Variants in CNIH3 observed in about 807,000 individuals in gnomAD.
CNIH3 encodes the protein cornichon family AMPA receptor auxiliary protein 3, also known as protein cornichon homolog 3.
CNIH3 carries 14 observed loss-of-function variants against 24.1 expected under a neutral mutation model. The observed-to-expected ratio is 0.58, with a 90% CI of 0.38 to 0.91. The LOEUF is 0.91. Ranked by LOEUF, CNIH3 falls within the 40% of genes least tolerant of loss-of-function variation. The pLI is 0.00. For synonymous variants in CNIH3, 68 were observed against 73.8 expected (o/e 0.92, Z 0.40); for missense variants, 178 against 196.8 (o/e 0.90, Z 0.57).
chr1:224,641,165 C>A (rs16850786), intron 1 of CNIH3, among the ~76,000 whole-genome samples: 5 of 152,096 alleles, frequency 3.3e-5, no homozygotes, highest in Admixed American at 1.3e-4. Flanking sequence ...GCTAAGCCTC[C>A]TCGGCATACA....
chr1:224,658,867 C>T (rs913296065), intron 1 of CNIH3, among the ~76,000 whole-genome samples: 3 of 152,100 alleles, frequency 2.0e-5, no homozygotes, highest in Non-Finnish European at 4.4e-5. Flanking sequence ...TCAGTAAAAC[C>T]TTATAAACAA....
chr1:224,437,363 AG>A (rs1322842824), intron 1 of CNIH3, among the ~76,000 whole-genome samples: 1 of 152,214 alleles, frequency 6.6e-6, no homozygotes, highest in African/African-American at 2.4e-5. Flanking sequence ...TCCAAATAAG[AG>A]GTAACTTCTT....
rs777884254 is a variant in CNIH3 at position 224,703,113 on chromosome 1, G to T, written c.198+18270G>T. On this transcript the variant is annotated intron_variant, in intron 3 of 5. Coordinates refer to ENST00000272133, the MANE Select transcript of CNIH3 (RefSeq NM_152495.2). The surrounding 1 kb of genome is among the most constrained non-coding windows in gnomAD (Gnocchi z 4.2). ...ATTGCCCTGTTTTTTTCCAGAGCAGGAAACACTTCTGACCTCTCAAGGTCC... is the reference window on the plus strand; with the variant it reads ...ATTGCCCTGTTTTTTTCCAGAGCAGTAAACACTTCTGACCTCTCAAGGTCC... Among the ~76,000 whole-genome samples, 28 of 152,142 alleles carry T rather than the reference G, an allele frequency of 1.8e-4. No individual in the cohort carries two copies. Among genetic ancestry groups the T allele is most frequent in the Admixed American group, 4.6e-4 (7 of 15,278 alleles).
intron 1 of CNIH3, among the ~76,000 whole-genome samples, chr1:224,453,928 G>T (rs1404801395): frequency 6.6e-6 from 1 of 152,050 alleles, no homozygotes; most frequent in African/African-American, 2.4e-5. Flanking sequence ...AGATCAGTTT[G>T]TTTAGACACT....
chr1:224,738,560 A>G (rs1210186120), intron 5 of CNIH3, among the ~76,000 whole-genome samples: 1 of 152,200 alleles, frequency 6.6e-6, no homozygotes, highest in Non-Finnish European at 1.5e-5. Context: ...TTCTTAGATG[A>G]ATCTTTTTTT....
In CNIH3 at chr1:224,526,905, G is replaced by A. The variant is rs374325415; in HGVS notation, n.343+5578G>A. 2.4e-3 allele frequency among the ~76,000 whole-genome samples: 362 copies of A among 152,128 alleles called. 3 individuals carry two copies. Among genetic ancestry groups the A allele is most frequent in the African/African-American group, 8.1e-3 (337 of 41,500 alleles). ...AGGAGCAAGAGAGAAGCGGAGAGGG[G>A]GCCACACACTTCTAAACAACCAGGT... On this transcript the variant is annotated intron_variant and non_coding_transcript_variant, in intron 2 of 2. Transcript: ENST00000470602.
intron 1 of CNIH3, among the ~76,000 whole-genome samples, chr1:224,657,353 A>G (rs2125112112): frequency 6.6e-6 from 1 of 152,316 alleles, no homozygotes. Flanking sequence ...CAAAGCATAT[A>G]TTAAGCCATA....
intron 1 of CNIH3, among the ~76,000 whole-genome samples, chr1:224,440,329 A>G (rs1272595528): frequency 6.6e-6 from 1 of 152,156 alleles, no homozygotes; most frequent in Non-Finnish European, 1.5e-5. Flanking sequence ...TCCAAAGTTC[A>G]AGTGGTCTTT....
intron 1 of CNIH3, among the ~76,000 whole-genome samples, chr1:224,442,191 T>C (rs527481248): frequency 6.6e-6 from 1 of 152,072 alleles, no homozygotes; most frequent in East Asian, 1.9e-4. Flanking sequence ...GCTAACTTTT[T>C]GTAGAGACAG....
chr1:224,632,631 G>A (rs1000467089), intron 1 of CNIH3, among the ~76,000 whole-genome samples: 3 of 152,026 alleles, frequency 2.0e-5, no homozygotes, highest in African/African-American at 2.4e-5. Context: ...GTGAGGAGAG[G>A]TGGGCTCCCA....
chr1:224,553,524 G>A (rs371551749), intron 3 of CNIH3, among the ~76,000 whole-genome samples: 82 of 152,160 alleles, frequency 5.4e-4, no homozygotes, highest in African/African-American at 1.8e-3. Context: ...TCTGGGACCC[G>A]GCTGGTTCAC....
intron 2 of CNIH3, among the ~76,000 whole-genome samples, chr1:224,545,849 G>T (rs915125390): frequency 1.6e-4 from 25 of 152,132 alleles, no homozygotes; most frequent in Non-Finnish European, 1.5e-5. Context: ...ACAATACCAC[G>T]GACTGGGTGG....
intron 1 of CNIH3, among the ~76,000 whole-genome samples, chr1:224,666,905 G>A (rs1364438170): frequency 6.6e-6 from 1 of 152,194 alleles, no homozygotes; most frequent in African/African-American, 2.4e-5. Flanking sequence ...GTTGACATAT[G>A]CCTGCTGAGA....
At chr1:224,701,454 C>T (rs1245874076) in intron 3 of CNIH3, among the ~76,000 whole-genome samples, 3 of 152,114 alleles carry the variant, frequency 2.0e-5, no homozygotes, top group Non-Finnish European at 4.4e-5. Context: ...GGCAAGCTCT[C>T]TCTGCACCCT....
chr1:224,461,467 C>A (rs1231816048), intron 1 of CNIH3, among the ~76,000 whole-genome samples: 2 of 152,170 alleles, frequency 1.3e-5, no homozygotes, highest in African/African-American at 4.8e-5. Context: ...ACACAAGGCA[C>A]ACTTGCTTCC....
chr1:224,435,061 C>T (rs865794606), intron 1 of CNIH3: 14 of 985,562 alleles, frequency 1.4e-5, no homozygotes, highest in Middle Eastern at 5.2e-4. Flanking sequence ...GCAGTAAGTT[C>T]GTAGCCGCCC....
At chr1:224,617,911 C>T (rs955604330) in intron 1 of CNIH3, among the ~76,000 whole-genome samples, 5 of 152,148 alleles carry the variant, frequency 3.3e-5, no homozygotes, top group African/African-American at 1.2e-4. Context: ...CGACGGTGTC[C>T]TCCATCTGCC....
downstream of CNIH3, among the ~76,000 whole-genome samples, chr1:224,592,676 T>C (rs1179330400): frequency 6.6e-6 from 1 of 152,206 alleles, no homozygotes; most frequent in African/African-American, 2.4e-5. Context: ...GTCTATTGAC[T>C]ACCTATGCTT....
At chr1:224,691,495 C>A (rs1423414557) in intron 3 of CNIH3, among the ~76,000 whole-genome samples, 2 of 152,316 alleles carry the variant, frequency 1.3e-5, no homozygotes, top group African/African-American at 2.4e-5. Context: ...CTGTCATTGA[C>A]AAGACCAATG....
Sources: gnomAD v4.1 joint callset for allele counts (sites outside exome capture counted in the v4.1 genomes callset) on GRCh38, gnomAD v4.1.1 for gene constraint, Gnocchi (gnomAD v3.1) non-coding constraint, MANE v1.5 for transcripts, NCBI Gene and HGNC (gene_info 2026-07-23, HGNC 2026-07-21) for gene names.